Variants in EPM2AIP1 observed in about 807,000 individuals in gnomAD.
EPM2AIP1 encodes EPM2A-interacting protein 1.
EPM2AIP1 carries 23 observed loss-of-function variants against 44.8 expected under a neutral mutation model. The ratio of observed to expected loss-of-function variants is 0.51; its 90% CI spans 0.37 to 0.73. The LOEUF (loss-of-function observed/expected upper bound fraction) is 0.73, where lower values mean the gene tolerates loss of function less well. Among genes scored for constraint, EPM2AIP1 ranks in the 30% least tolerant of loss-of-function variants. The pLI is 0.00. For synonymous variants in EPM2AIP1, 311 were observed against 284.3 expected (o/e 1.09, Z -0.94); for missense variants, 652 against 743.9 (o/e 0.88, Z 1.44).
rs1270905780 is a variant in EPM2AIP1, at chr3:36,986,385, T to C, written c.*4869A>G. On this transcript the variant is annotated 3_prime_UTR_variant, in exon 1 of 1. Transcript: ENST00000322716. ...AATTCAAATTCAAGTACTTACTGGG[T>C]AGGATGAGGCAACATTTTAATATCA... 6.6e-6 allele frequency: 1 copy of C among 152,126 alleles called. No individual in the cohort carries two copies. The highest frequency in any genetic ancestry group is 1.5e-5 in the Non-Finnish European group (1 of 68,018). 9.4% of individuals were successfully genotyped at this position (152,126 alleles called of 1,614,324 possible).
rs1210966500 is a variant in EPM2AIP1 at position 36,993,081 on chromosome 3, G to C, written c.-4C>G. On this transcript the variant is annotated 5_prime_UTR_variant, in exon 1 of 1. Coordinates refer to ENST00000322716, the MANE Select transcript of EPM2AIP1 (RefSeq NM_014805.4). ...TTCTTTTGGGCGTCATCCACATTCT[G>C]CGGGAGGCCACAAGAGCAGGGCCAA... 6.3e-7 allele frequency: 1 copy of C among 1,597,862 alleles called. No homozygotes were observed. Among genetic ancestry groups the C allele is most frequent in the Admixed American group, 1.7e-5 (1 of 58,794 alleles).
rs2080767621 is a variant in EPM2AIP1 at position 36,986,022 on chromosome 3, A to G, written c.*5232T>C. 6.6e-6 allele frequency: 1 copy of G among 152,206 alleles called. No individual in the cohort carries two copies. Among genetic ancestry groups the G allele is most frequent in the Non-Finnish European group, 1.5e-5 (1 of 68,020 alleles). 9.4% of individuals were successfully genotyped at this position (152,206 alleles called of 1,614,324 possible). A position where few individuals can be genotyped will look rare whatever the true frequency, so the allele number is the denominator to read the frequency against. On this transcript the variant is annotated 3_prime_UTR_variant, in exon 1 of 1. Coordinates refer to ENST00000322716, the MANE Select transcript of EPM2AIP1 (RefSeq NM_014805.4). ...GAGACAGTGAGATTTTGCCTTTGTT[A>G]TTCAATGGCAAGCTAGCCCATGCTG... is the stretch of plus-strand genomic sequence containing the variant.
Position 36,987,880 on chromosome 3 carries a change from C to T in EPM2AIP1, c.*3374G>A, listed in dbSNP as rs1327682517. On this transcript the variant is annotated 3_prime_UTR_variant, in exon 1 of 1. Transcript: ENST00000322716. ...CTACACAAATATTCGTTTGTCCAAA[C>T]ATTTATTGAAATGCCAGGCATTGTG... The T allele has an allele frequency of 6.6e-6, 1 of 152,198 alleles. No individual in the cohort carries two copies. Among genetic ancestry groups the T allele is most frequent in the African/African-American group, 2.4e-5 (1 of 41,466 alleles). The allele number at this position is 152,198 out of a possible 1,614,324, so 9.4% of individuals were successfully genotyped here. A position where few individuals can be genotyped will look rare whatever the true frequency, so the allele number is the denominator to read the frequency against.
Position 36,986,063 on chromosome 3 carries a change from C to T in EPM2AIP1, c.*5191G>A, listed in dbSNP as rs1391216669. The T allele has an allele frequency of 1.3e-5, 2 of 152,098 alleles. No individual in the cohort carries two copies. Among genetic ancestry groups the T allele is most frequent in the South Asian group, 2.1e-4 (1 of 4,826 alleles). 9.4% of individuals were successfully genotyped at this position (152,098 alleles called of 1,614,324 possible). On this transcript the variant is annotated 3_prime_UTR_variant, in exon 1 of 1. Transcript: ENST00000322716. ...GCCCATGCTGACACAGAAATTGGTC[C>T]CTTGTTTTTTAAAATGCTAAAATAC... is the stretch of plus-strand genomic sequence containing the variant.
chr3:36,991,057 C>A lies in EPM2AIP1; in HGVS notation c.*197G>T. ...CTAAACTAAGTTTTAAAAAAGGTGG[C>A]ATTCTCATGTTTCAGTCCCATGCTG... On this transcript the variant is annotated 3_prime_UTR_variant, in exon 1 of 1. Transcript: ENST00000322716. 1.6e-6 allele frequency: 2 copies of A among 1,266,438 alleles called. No homozygotes were observed. The highest frequency in any genetic ancestry group is 2.0e-6 in the Non-Finnish European group (2 of 1,005,588). The allele number at this position is 1,266,438 out of a possible 1,614,324, so 78.5% of individuals were successfully genotyped here.
At position 36,987,432 on chromosome 3, in the gene EPM2AIP1, A is replaced by G. The variant is rs1241078342; in HGVS notation, c.*3822T>C. ...TATGTAGGTTCCTTTGGAAATTTAA[A>G]AAAAAAAAAAAAATATATATATATA... is the stretch of plus-strand genomic sequence containing the variant. On this transcript the variant is annotated 3_prime_UTR_variant, in exon 1 of 1. Coordinates refer to ENST00000322716, the MANE Select transcript of EPM2AIP1 (RefSeq NM_014805.4). 1 of 28,544 alleles carries G rather than the reference A, an allele frequency of 3.5e-5. No individual in the cohort carries two copies. The highest frequency in any genetic ancestry group is 0.022 in the East Asian group (1 of 46). 1.8% of individuals were successfully genotyped at this position (28,544 alleles called of 1,614,324 possible). A position where few individuals can be genotyped will look rare whatever the true frequency, so the allele number is the denominator to read the frequency against.
At position 36,991,386 on chromosome 3, in the gene EPM2AIP1, CAA is replaced by C; in HGVS notation, c.1690_1691del (p.Leu564AspfsTer14). On this transcript the variant is annotated frameshift_variant, in exon 1 of 1. Transcript: ENST00000322716. LOFTEE classifies it high-confidence loss of function. ...NQICEKAFSY[L>X]TRNQHTLSQP... is the part of the protein sequence containing the mutation. ...GACTCAAAGTGTGTTGGTTTCGAGT[CAA>C]ATATGAAAAAGCCTTTTCACAGATT... is the stretch of plus-strand genomic sequence containing the variant. 1.2e-6 allele frequency: 2 copies of C among 1,613,906 alleles called. No homozygotes were observed. The highest frequency in any genetic ancestry group is 1.7e-6 in the Non-Finnish European group (2 of 1,179,882).
Position 36,992,475 on chromosome 3 carries a change from C to A in EPM2AIP1, c.603G>T (p.Glu201Asp). The change falls in exon 1 of 1, where the codon GAG (glutamate) becomes GAT (aspartate). Residue 201 changes from glutamate to aspartate, a missense_variant. By Grantham distance (45) the Glu-to-Asp change is conservative (BLOSUM62 2). Coordinates refer to ENST00000322716, the MANE Select transcript of EPM2AIP1 (RefSeq NM_014805.4). This position sits in a 1 kb window ranked among gnomAD's most constrained non-coding sequence, Gnocchi z 5.3. ...LLVFIRGVGPELEVQEDLLTI... is the reference protein window; with the variant it reads ...LLVFIRGVGPDLEVQEDLLTI... ...TCAGAAGATCTTCTTGCACCTCCAA[C>A]TCAGGGCCTACACCGCGGATAAAGA... 3 of 1,614,008 alleles carry A rather than the reference C, an allele frequency of 1.9e-6. No individual in the cohort carries two copies. The highest frequency in any genetic ancestry group is 2.5e-6 in the Non-Finnish European group (3 of 1,179,882).
rs1408185137 is a variant in EPM2AIP1 at position 36,987,546 on chromosome 3, A to G, written c.*3708T>C. On this transcript the variant is annotated 3_prime_UTR_variant, in exon 1 of 1. Transcript: ENST00000322716. ...ATTACATAGTGGATTTGGTGTGTAT[A>G]TTTGGTTTTGAATCCTGAGTTTACT... 1 of 151,840 alleles carries G rather than the reference A, an allele frequency of 6.6e-6. No homozygotes were observed. The highest frequency in any genetic ancestry group is 1.5e-5 in the Non-Finnish European group (1 of 67,972). 9.4% of individuals were successfully genotyped at this position (151,840 alleles called of 1,614,324 possible). A position where few individuals can be genotyped will look rare whatever the true frequency, so the allele number is the denominator to read the frequency against.
rs1174557513 is a variant in EPM2AIP1, at chr3:36,986,629, A to T, written c.*4625T>A. Reference sequence around the variant, plus strand: ...GACCCTGTCTCCACATAAAAATACAAAAATTAGCTGGGTGTACTCGTGTAT... The same window carrying T: ...GACCCTGTCTCCACATAAAAATACATAAATTAGCTGGGTGTACTCGTGTAT... On this transcript the variant is annotated 3_prime_UTR_variant, in exon 1 of 1. Coordinates refer to ENST00000322716, the MANE Select transcript of EPM2AIP1 (RefSeq NM_014805.4). 1.3e-5 allele frequency: 2 copies of T among 151,912 alleles called. No homozygotes were observed. Among genetic ancestry groups the T allele is most frequent in the African/African-American group, 4.8e-5 (2 of 41,330 alleles). The allele number at this position is 151,912 out of a possible 1,614,324, so 9.4% of individuals were successfully genotyped here. A position where few individuals can be genotyped will look rare whatever the true frequency, so the allele number is the denominator to read the frequency against.
Position 36,991,240 on chromosome 3 carries a change from T to C in EPM2AIP1, c.*14A>G, listed in dbSNP as rs2080801165. On this transcript the variant is annotated 3_prime_UTR_variant, in exon 1 of 1. Coordinates refer to ENST00000322716, the MANE Select transcript of EPM2AIP1 (RefSeq NM_014805.4). ...AAATTCTTGTTGAGTTTTTCAATCT[T>C]GTACTACAAAGCCTTATGGATTAGA... is the stretch of plus-strand genomic sequence containing the variant. 6.5e-7 allele frequency: 1 copy of C among 1,549,972 alleles called. No homozygotes were observed. The highest frequency in any genetic ancestry group is 1.2e-5 in the South Asian group (1 of 82,870).
At position 36,985,289 on chromosome 3, in the gene EPM2AIP1, G is replaced by A. The variant is rs2080764245; in HGVS notation, c.*5965C>T. On this transcript the variant is annotated 3_prime_UTR_variant, in exon 1 of 1. Coordinates refer to ENST00000322716, the MANE Select transcript of EPM2AIP1 (RefSeq NM_014805.4). ...AAAACAGGCAAAACTAATCCGTGGT[G>A]ATAAAAGGGGTTGGTGGGGGCCTGG... 1 of 152,210 alleles carries A rather than the reference G, an allele frequency of 6.6e-6. No individual in the cohort carries two copies. The allele number at this position is 152,210 out of a possible 1,614,324, so 9.4% of individuals were successfully genotyped here. A position where few individuals can be genotyped will look rare whatever the true frequency, so the allele number is the denominator to read the frequency against.
rs2080777876 is a variant in EPM2AIP1, at chr3:36,987,668, A to C, written c.*3586T>G. The C allele has an allele frequency of 6.6e-6, 1 of 152,182 alleles. No individual in the cohort carries two copies. Among genetic ancestry groups the C allele is most frequent in the South Asian group, 2.1e-4 (1 of 4,832 alleles). 9.4% of individuals were successfully genotyped at this position (152,182 alleles called of 1,614,324 possible). A position where few individuals can be genotyped will look rare whatever the true frequency, so the allele number is the denominator to read the frequency against. Reference sequence around the variant, plus strand: ...AATTTGTTTAACAGTCACATAATACATATTTAAGTCACATGCTAAGCACTA... The same window carrying C: ...AATTTGTTTAACAGTCACATAATACCTATTTAAGTCACATGCTAAGCACTA... On this transcript the variant is annotated 3_prime_UTR_variant, in exon 1 of 1. Coordinates refer to ENST00000322716, the MANE Select transcript of EPM2AIP1 (RefSeq NM_014805.4).
chr3:36,991,020 A>G lies in EPM2AIP1; in HGVS notation c.*234T>C. The G allele has an allele frequency of 8.2e-7, 1 of 1,218,214 alleles. No homozygotes were observed. The highest frequency in any genetic ancestry group is 1.5e-5 in the African/African-American group (1 of 64,842). The allele number at this position is 1,218,214 out of a possible 1,614,324, so 75.5% of individuals were successfully genotyped here. ...AAAATTAACTATATCATAAAAGACA[A>G]TGACTTTGTCACTAAACTAAGTTTT... is the stretch of plus-strand genomic sequence containing the variant. On this transcript the variant is annotated 3_prime_UTR_variant, in exon 1 of 1. Coordinates refer to ENST00000322716, the MANE Select transcript of EPM2AIP1 (RefSeq NM_014805.4).
At position 36,991,694 on chromosome 3, in the gene EPM2AIP1, T is replaced by C. The variant is rs2080810282; in HGVS notation, c.1384A>G (p.Met462Val). The C allele has an allele frequency of 1.9e-6, 3 of 1,613,440 alleles. No individual in the cohort carries two copies. The highest frequency in any genetic ancestry group is 2.2e-5 in the East Asian group (1 of 44,876). The stretch of plus-strand genomic sequence containing the variant: ...TCTTTTTGGAGACGACAGATCACCA[T>C]TTGATACCTATCAGGATCAAATATT... ...EKIFDPDRYQ[M>V]VICRLQKEFE... is the part of the protein sequence containing the mutation. Residue 462 changes from methionine (M) to valine (V), a missense_variant, in exon 1 of 1, where the codon ATG (methionine) becomes GTG (valine). Physicochemically the swap from Met to Val is conservative, Grantham distance 21. Coordinates refer to ENST00000322716, the MANE Select transcript of EPM2AIP1 (RefSeq NM_014805.4).
chr3:36,985,791 A>AC lies in EPM2AIP1; in HGVS notation c.*5462dup, dbSNP rs1425008769. The AC allele has an allele frequency of 1.6e-4, 24 of 152,382 alleles. No individual in the cohort carries two copies. The highest frequency in any genetic ancestry group is 5.8e-4 in the African/African-American group (24 of 41,594). The allele number at this position is 152,382 out of a possible 1,614,324, so 9.4% of individuals were successfully genotyped here. On this transcript the variant is annotated 3_prime_UTR_variant, in exon 1 of 1. Transcript: ENST00000322716. The stretch of plus-strand genomic sequence containing the variant: ...GTATTTTAGGTTTTGTGAGATGTAC[A>AC]CACTCTGTAGCAACTACTCAGCTGT...
chr3:36,992,498 A>T lies in EPM2AIP1; in HGVS notation c.580T>A (p.Phe194Ile), dbSNP rs1489941875. ...FVAYENYLLVFIRGVGPELEV... is the reference protein window; with the variant it reads ...FVAYENYLLVIIRGVGPELEV... ...AACTCAGGGCCTACACCGCGGATAA[A>T]GACCAGGAGGTAGTTCTCATAGGCC... Residue 194 changes from phenylalanine to isoleucine, a missense_variant, in exon 1 of 1, where the codon TTT becomes ATT. By Grantham distance (21) the Phe-to-Ile change is conservative. Coordinates refer to ENST00000322716, the MANE Select transcript of EPM2AIP1 (RefSeq NM_014805.4). The surrounding 1 kb of genome is among the most constrained non-coding windows in gnomAD (Gnocchi z 5.3). 6.2e-7 allele frequency: 1 copy of T among 1,613,888 alleles called. No homozygotes were observed. The highest frequency in any genetic ancestry group is 8.5e-7 in the Non-Finnish European group (1 of 1,179,906).
In EPM2AIP1 at chr3:36,993,055, C is replaced by T. The variant is rs1467983094; in HGVS notation, c.23G>A (p.Ser8Asn). The change falls in exon 1 of 1, where the codon AGC (serine) becomes AAC (asparagine). Residue 8 changes from serine to asparagine, a missense_variant. Ser to Asn is a conservative substitution (Grantham distance 46). Transcript: ENST00000322716. MWMTPKR[S>N]KMEVDEALVF... ...TAGAGCCTCGTCGACTTCCATCTTGCTTCTTTTGGGCGTCATCCACATTCT... is the reference window on the plus strand; with the variant it reads ...TAGAGCCTCGTCGACTTCCATCTTGTTTCTTTTGGGCGTCATCCACATTCT... 1.9e-6 allele frequency: 3 copies of T among 1,607,766 alleles called. No homozygotes were observed. The highest frequency in any genetic ancestry group is 2.2e-5 in the South Asian group (2 of 90,902).
Position 36,991,738 on chromosome 3 carries a change from T to A in EPM2AIP1, c.1340A>T (p.Gln447Leu). 1 of 1,613,882 alleles carries A rather than the reference T, an allele frequency of 6.2e-7. No individual in the cohort carries two copies. Among genetic ancestry groups the A allele is most frequent in the Non-Finnish European group, 8.5e-7 (1 of 1,179,892 alleles). ...AAATATTTTTTCATCTTCCTTATTT[T>A]GCTGTTTTAGCTCATCAACAACTTC... Reference protein sequence around the residue: ...LREVVDELKQQNKEDEKIFDP... With the variant: ...LREVVDELKQLNKEDEKIFDP... The change falls in exon 1 of 1, where the codon CAA becomes CTA. Residue 447 changes from glutamine to leucine, a missense_variant. Transcript: ENST00000322716.
Sources: allele counts gnomAD v4.1 joint callset, GRCh38; gene constraint gnomAD v4.1.1; non-coding constraint Gnocchi (gnomAD v3.1); transcripts MANE v1.5; gene names NCBI Gene and HGNC (gene_info 2026-07-23, HGNC 2026-07-21).